Variants in VIRMA observed in about 807,000 individuals in gnomAD.
VIRMA encodes protein virilizer homolog.
Under a neutral mutation model 182.4 loss-of-function variants are expected in VIRMA, and 65 were observed. The ratio of observed to expected loss-of-function variants is 0.36; its 90% CI spans 0.29 to 0.44. The LOEUF is 0.44. Among genes scored for constraint, VIRMA ranks in the 20% least tolerant of loss-of-function variants. The pLI, the probability that VIRMA is intolerant of heterozygous loss-of-function variation, is 1.00. For missense variants in VIRMA, 1,752 were observed against 2,158.1 expected (o/e 0.81, Z 3.73); for synonymous variants, 709 against 743.1 (o/e 0.95, Z 0.75).
intron 1 of VIRMA, among the ~76,000 whole-genome samples, chr8:94,544,251 T>C (rs546858870): frequency 6.6e-6 from 1 of 152,328 alleles, no homozygotes; most frequent in East Asian, 1.9e-4. Flanking sequence ...ATCCTGACTT[T>C]TTGATTTCTA....
At chr8:94,538,607 C>T (rs116240044) in intron 2 of VIRMA, among the ~76,000 whole-genome samples, 278 of 152,082 alleles carry the variant, frequency 1.8e-3, no homozygotes, top group African/African-American at 6.4e-3. Flanking sequence ...TATCACTATT[C>T]ATTTTTTTTT....
In VIRMA at chr8:94,494,896, T is replaced by C; in HGVS notation, c.4605A>G (p.Pro1535=). Residue 1535 remains proline, a synonymous_variant, in exon 20 of 24, where the codon CCA becomes CCG. Coordinates refer to ENST00000297591, the MANE Select transcript of VIRMA (RefSeq NM_015496.5). The part of the protein sequence containing the change: ...DDQLKSMWFT[P]FQAEEIDTDL... Reference sequence around the variant, plus strand: ...CTGTATCTATCTCTTCAGCCTGAAATGGAGTGAACCACATAGATTTCAACT... The same window carrying C: ...CTGTATCTATCTCTTCAGCCTGAAACGGAGTGAACCACATAGATTTCAACT... 6.2e-7 allele frequency: 1 copy of C among 1,610,034 alleles called. No homozygotes were observed. Among genetic ancestry groups the C allele is most frequent in the Non-Finnish European group, 8.5e-7 (1 of 1,176,596 alleles).
At chr8:94,504,056 C>T (rs1045609926) in intron 16 of VIRMA, among the ~76,000 whole-genome samples, 1 of 152,042 alleles carries the variant, frequency 6.6e-6, no homozygotes. Context: ...TGCCTGTAGT[C>T]CCAGCTACTT....
chr8:94,518,012 T>C, intron 9 of VIRMA, 70 bp from the exon 10 acceptor site: 2 of 1,240,064 alleles, frequency 1.6e-6, no homozygotes, highest in Admixed American at 2.1e-5. Context: ...TTAAAAATTT[T>C]CTTCTACTTG....
At chr8:94,489,801 T>C in intron 23 of VIRMA, 138 bp downstream of exon 23, 1 of 897,708 alleles carries the variant, frequency 1.1e-6, no homozygotes, top group South Asian at 2.0e-5. Context: ...GTCAAAGTTA[T>C]ACTTAGATTT....
intron 15 of VIRMA, 37 bp downstream of exon 15, chr8:94,509,651 C>A (rs370114519): frequency 8.9e-5 from 140 of 1,576,192 alleles, no homozygotes; most frequent in Non-Finnish European, 1.1e-4. Flanking sequence ...CACACATACA[C>A]ATGCAGAGAG....
chr8:94,491,959 C>G (rs749861015), intron 21 of VIRMA, 50 bp from the exon 22 acceptor site: 1 of 1,400,156 alleles, frequency 7.1e-7, no homozygotes. Flanking sequence ...AGGTTTCTAG[C>G]AAAAATAATC....
At chr8:94,508,179 T>C (rs117019415) in intron 15 of VIRMA, among the ~76,000 whole-genome samples, 1,880 of 152,122 alleles carry the variant, frequency 0.012, 18 homozygotes, top group South Asian at 0.021. Context: ...CTAGGCCTAC[T>C]ATGAGATTCA....
intron 6 of VIRMA, 63 bp downstream of exon 6, chr8:94,530,900 A>C (rs1815149055): frequency 6.4e-7 from 1 of 1,553,874 alleles, no homozygotes; most frequent in Non-Finnish European, 8.7e-7. Context: ...GACCATCTCA[A>C]AACAAAAACA....
At position 94,529,182 on chromosome 8, in the gene VIRMA, A is replaced by C; in HGVS notation, c.768T>G (p.Asp256Glu). Residue 256 changes from aspartate (D) to glutamate (E), a missense_variant, in exon 7 of 24, where the codon GAT becomes GAG. Transcript: ENST00000297591. Reference protein sequence around the residue: ...EEGEEDEDDVDVEEEEDEDED... With the variant: ...EEGEEDEDDVEVEEEEDEDED... Reference sequence around the variant, plus strand: ...CATCCTCATCCTCTTCTTCCTCTACATCCACATCATCTTCATCTTCTTCTC... The same window carrying C: ...CATCCTCATCCTCTTCTTCCTCTACCTCCACATCATCTTCATCTTCTTCTC... The C allele has an allele frequency of 7.0e-7, 1 of 1,429,470 alleles. No individual in the cohort carries two copies. Among genetic ancestry groups the C allele is most frequent in the Non-Finnish European group, 9.9e-7 (1 of 1,012,322 alleles). The allele number at this position is 1,429,470 out of a possible 1,614,324, so 88.5% of individuals were successfully genotyped here.
chr8:94,490,665 G>T (rs1255132473), intron 22 of VIRMA, among the ~76,000 whole-genome samples: 1 of 151,990 alleles, frequency 6.6e-6, no homozygotes, highest in East Asian at 1.9e-4. Flanking sequence ...CGGCCAACAT[G>T]GTGAGACCCC....
intron 1 of VIRMA, among the ~76,000 whole-genome samples, chr8:94,548,257 T>C (rs3133652): frequency 0.12 from 18,798 of 150,604 alleles, 2,321 homozygotes; most frequent in African/African-American, 0.26. Context: ...TTTTGAAATA[T>C]TATATAGGTG....
chr8:94,535,065 G>T, intron 4 of VIRMA, 58 bp from the exon 5 acceptor site: 1 of 1,525,990 alleles, frequency 6.6e-7, no homozygotes. Flanking sequence ...AATGCTAGAA[G>T]TTAGCTGATA....
chr8:94,542,561 T>G (rs1815595363), intron 2 of VIRMA, among the ~76,000 whole-genome samples: 1 of 152,238 alleles, frequency 6.6e-6, no homozygotes, highest in Non-Finnish European at 1.5e-5. Context: ...AATGACAAAC[T>G]TTTTTTGGCC....
At chr8:94,489,076 AT>A (rs564256410) in intron 23 of VIRMA, among the ~76,000 whole-genome samples, 1 of 152,204 alleles carries the variant, frequency 6.6e-6, no homozygotes, top group Non-Finnish European at 1.5e-5. Context: ...TAAAACTATT[AT>A]TTTTTAAAAA....
chr8:94,525,261 A>C (rs1814919439), intron 8 of VIRMA, among the ~76,000 whole-genome samples: 2 of 152,232 alleles, frequency 1.3e-5, no homozygotes, highest in African/African-American at 4.8e-5. Context: ...GAGGATAAGC[A>C]GGAGATACAC....
At chr8:94,539,304 G>A (rs1815460572) in intron 2 of VIRMA, among the ~76,000 whole-genome samples, 1 of 152,118 alleles carries the variant, frequency 6.6e-6, no homozygotes, top group South Asian at 2.1e-4. Flanking sequence ...TAGCATCACA[G>A]CCCTAAGTTG....
chr8:94,540,461 CTTTTTTTTTTT>C lies in VIRMA; in HGVS notation c.180-2126_180-2116del, dbSNP rs963429701. Among the ~76,000 whole-genome samples, 4 of 128,634 alleles carry C rather than the reference CTTTTTTTTTTT, an allele frequency of 3.1e-5. No homozygotes were observed. In the Admixed American group the frequency reaches 3.3e-4, roughly 11 times the overall value. The allele number at this position is 128,634 out of a possible 152,430, so 84.4% of individuals were successfully genotyped here. A position where few individuals can be genotyped will look rare whatever the true frequency, so the allele number is the denominator to read the frequency against. On this transcript the variant is annotated intron_variant, in intron 2 of 23. Coordinates refer to ENST00000297591, the MANE Select transcript of VIRMA (RefSeq NM_015496.5). ...GCCCTTCTTTACTTTTTCTTCTTTT[CTTTTTTTTTTT>C]TTTTTTTTTGAGACGGAGTCTTGCT...
At chr8:94,552,942 C>A (rs553483214) in intron 1 of VIRMA, among the ~76,000 whole-genome samples, 2 of 152,140 alleles carry the variant, frequency 1.3e-5, no homozygotes, top group Admixed American at 1.3e-4. Context: ...TAATTCCCGA[C>A]AGAAAAGAGG....
Sources: allele counts gnomAD v4.1 joint callset (sites outside exome capture counted in the v4.1 genomes callset), GRCh38; gene constraint gnomAD v4.1.1; transcripts MANE v1.5; gene names NCBI Gene and HGNC (gene_info 2026-07-23, HGNC 2026-07-21).